NREP: variants seen among roughly 807,000 people sequenced by gnomAD.
NREP encodes the protein neuronal regeneration-related protein.
NREP carries 5 observed loss-of-function variants against 8.6 expected under a neutral mutation model. The ratio of observed to expected loss-of-function variants is 0.58; its 90% CI spans 0.30 to 1.22. NREP has a LOEUF of 1.22. NREP is among the 50% of genes most tolerant of loss of function. NREP has a pLI of 0.07. For synonymous variants in NREP, 27 were observed against 28.0 expected (o/e 0.96, Z 0.11); for missense variants, 86 against 82.5 (o/e 1.04, Z -0.17).
chr5:111,901,896 A>AT (rs1306456782), intron 2 of NREP, among the ~76,000 whole-genome samples: 2 of 152,172 alleles, frequency 1.3e-5, no homozygotes, highest in African/African-American at 4.8e-5. Flanking sequence ...TACAGATTCA[A>AT]TGCAATTCCC....
At chr5:111,871,267 G>T (rs1355457284) in intron 2 of NREP, among the ~76,000 whole-genome samples, 1 of 152,114 alleles carries the variant, frequency 6.6e-6, no homozygotes. Flanking sequence ...TTACTGCACT[G>T]AATTCTGTAG....
intron 2 of NREP, among the ~76,000 whole-genome samples, chr5:111,818,560 T>A (rs1206913913): frequency 6.6e-6 from 1 of 152,194 alleles, no homozygotes; most frequent in Non-Finnish European, 1.5e-5. Context: ...AAGCATTCAG[T>A]TTACAAACTA....
At chr5:111,776,245 G>A (rs915729710) in intron 2 of NREP, among the ~76,000 whole-genome samples, 4 of 151,940 alleles carry the variant, frequency 2.6e-5, no homozygotes, top group African/African-American at 9.7e-5. Context: ...TATGTCAAGG[G>A]GTATTATTTG....
At chr5:111,907,209 A>G (rs575600597) in intron 2 of NREP, among the ~76,000 whole-genome samples, 5 of 152,106 alleles carry the variant, frequency 3.3e-5, no homozygotes, top group African/African-American at 7.2e-5. Flanking sequence ...TCTGGCATCA[A>G]TTTTTTCTTA....
intron 2 of NREP, among the ~76,000 whole-genome samples, chr5:111,815,763 A>T (rs1344388893): frequency 6.6e-6 from 1 of 152,132 alleles, no homozygotes; most frequent in Non-Finnish European, 1.5e-5. Flanking sequence ...AGATCCAAAA[A>T]ACGCCATGTA....
intron 2 of NREP, among the ~76,000 whole-genome samples, chr5:111,955,338 G>T (rs766894324): frequency 2.0e-5 from 3 of 151,916 alleles, no homozygotes; most frequent in Non-Finnish European, 4.4e-5. Context: ...ACACAATGCA[G>T]AAGTATAAAA....
intron 2 of NREP, among the ~76,000 whole-genome samples, chr5:111,882,063 A>G (rs1413484318): frequency 6.6e-6 from 1 of 152,228 alleles, no homozygotes; most frequent in Admixed American, 6.5e-5. Context: ...ACCAAAGGCA[A>G]AGAAGTTCAA....
intron 2 of NREP, among the ~76,000 whole-genome samples, chr5:111,799,260 T>C (rs1019080719): frequency 1.8e-4 from 28 of 152,346 alleles, no homozygotes; most frequent in African/African-American, 6.0e-4. Flanking sequence ...GGCTCTTTTT[T>C]GGTTCCATAT....
intron 2 of NREP, among the ~76,000 whole-genome samples, chr5:111,921,790 C>T (rs554974348): frequency 5.9e-5 from 9 of 152,146 alleles, no homozygotes; most frequent in East Asian, 5.8e-4. Context: ...GGGAGGGACC[C>T]GGAGGGAGGT....
At chr5:111,786,771 T>C (rs757894015) in intron 2 of NREP, among the ~76,000 whole-genome samples, 2 of 152,178 alleles carry the variant, frequency 1.3e-5, no homozygotes, top group Non-Finnish European at 2.9e-5. Context: ...TAATCTTCCT[T>C]GGGGAAGTTA....
chr5:111,916,027 C>A (rs1755047138), intron 2 of NREP, among the ~76,000 whole-genome samples: 2 of 151,914 alleles, frequency 1.3e-5, no homozygotes, highest in Non-Finnish European at 2.9e-5. Flanking sequence ...TTGCTGGAAG[C>A]CAAAAGGATA....
chr5:111,888,342 C>G (rs56027811), intron 2 of NREP, among the ~76,000 whole-genome samples: 18,192 of 149,006 alleles, frequency 0.12, 1,582 homozygotes, highest in African/African-American at 0.23. Flanking sequence ...TGCTGGGTGG[C>G]GGGGGGGGTC....
In NREP at chr5:111,745,059, T is replaced by C. The variant is rs894126218; in HGVS notation, c.4-9552A>G. 3.9e-5 allele frequency among the ~76,000 whole-genome samples: 6 copies of C among 152,104 alleles called. 1 individual carries two copies. Among genetic ancestry groups the C allele is most frequent in the Admixed American group, 2.0e-4 (3 of 15,272 alleles). ...ACCCACAGTTTTCTGTAGAAATGCA[T>C]AGTACAATCCACTATAATGTTTTGT... On this transcript the variant is annotated intron_variant, in intron 2 of 3. Coordinates refer to ENST00000257435, the MANE Select transcript of NREP (RefSeq NM_004772.4).
At chr5:111,968,652 AC>A in intron 2 of NREP, among the ~76,000 whole-genome samples, 1 of 152,084 alleles carries the variant, frequency 6.6e-6, no homozygotes, top group Non-Finnish European at 1.5e-5. Flanking sequence ...ATGGCCAAAA[AC>A]TGATGACCTT....
At chr5:111,955,789 C>G (rs1756298055) in intron 2 of NREP, among the ~76,000 whole-genome samples, 1 of 151,528 alleles carries the variant, frequency 6.6e-6, no homozygotes, top group Non-Finnish European at 1.5e-5. Context: ...TAAAGTCTAG[C>G]AACCCACGGT....
intron 2 of NREP, among the ~76,000 whole-genome samples, chr5:111,869,964 T>C (rs1352075872): frequency 6.6e-6 from 1 of 151,844 alleles, no homozygotes; most frequent in Non-Finnish European, 1.5e-5. Flanking sequence ...TGTGACTTAC[T>C]TTAAAGAACT....
chr5:111,788,832 C>A (rs765785270), intron 2 of NREP, among the ~76,000 whole-genome samples: 2 of 152,346 alleles, frequency 1.3e-5, no homozygotes, highest in Non-Finnish European at 2.9e-5. Flanking sequence ...CATGGACTGA[C>A]TAAAGCAGAT....
intron 2 of NREP, among the ~76,000 whole-genome samples, chr5:111,942,610 T>A (rs143850340): frequency 1.3e-5 from 2 of 152,028 alleles, no homozygotes; most frequent in African/African-American, 4.8e-5. Flanking sequence ...GAAGTTGATA[T>A]TCTTCTTTAA....
chr5:111,974,984 G>T lies in NREP; in HGVS notation c.135+290C>A, dbSNP rs570134433. On this transcript the variant is annotated intron_variant, in intron 2 of 3. Coordinates refer to the NREP transcript ENST00000395634. ...AATGGAGGGAATGCTGAGGGCTGAG[G>T]TGGTTGGCCAGAGGTGTACAATGGT... Among the ~76,000 whole-genome samples, 9 of 152,336 alleles carry T rather than the reference G, an allele frequency of 5.9e-5. No homozygotes were observed. The South Asian group carries it at 1.7e-3, about 28-fold the overall frequency.
Sources: gnomAD v4.1 joint callset for allele counts (sites outside exome capture counted in the v4.1 genomes callset) on GRCh38, gnomAD v4.1.1 for gene constraint, MANE v1.5 for transcripts, NCBI Gene and HGNC (gene_info 2026-07-23, HGNC 2026-07-21) for gene names.